Variants in LHFPL3 observed in about 807,000 individuals in gnomAD.
LHFPL3 encodes the protein LHFPL tetraspan subfamily member 3, also known as LHFPL tetraspan subfamily member 3 protein.
A neutral mutation model predicts 19.3 loss-of-function variants in LHFPL3; 5 were observed. The observed-to-expected ratio is 0.26, with a 90% CI of 0.14 to 0.54. LHFPL3 has a LOEUF of 0.54. LHFPL3 is among the 20% of genes least tolerant of loss of function. The pLI is 0.94. For missense variants in LHFPL3, 249 were observed against 307.4 expected (o/e 0.81, Z 1.42); for synonymous variants, 133 against 126.2 (o/e 1.05, Z -0.36).
chr7:104,430,388 A>ATATATACACG (rs1314883020), intron 1 of LHFPL3, among the ~76,000 whole-genome samples: 21 of 50,048 alleles, frequency 4.2e-4, no homozygotes, highest in Admixed American at 2.3e-3. Flanking sequence ...ATATACATAT[A>ATATATACACG]TATATATATA....
At chr7:104,593,192 C>T (rs1790763562) in intron 1 of LHFPL3, among the ~76,000 whole-genome samples, 1 of 152,072 alleles carries the variant, frequency 6.6e-6, no homozygotes, top group South Asian at 2.1e-4. Context: ...ATAAATTTCC[C>T]TGTACACACT....
At chr7:104,420,278 T>C (rs1019615766) in intron 1 of LHFPL3, among the ~76,000 whole-genome samples, 24 of 152,204 alleles carry the variant, frequency 1.6e-4, no homozygotes, top group African/African-American at 5.1e-4. Context: ...ATTGGGTCAA[T>C]ATAGTGTCCA....
intron 2 of LHFPL3, among the ~76,000 whole-genome samples, chr7:104,782,218 G>T (rs1368450989): frequency 1.3e-5 from 2 of 152,094 alleles, no homozygotes; most frequent in Non-Finnish European, 2.9e-5. Context: ...GCAGCCTCAG[G>T]ACTTCTCCAC....
chr7:104,488,269 G>T (rs1793274291), intron 1 of LHFPL3, among the ~76,000 whole-genome samples: 1 of 152,018 alleles, frequency 6.6e-6, no homozygotes, highest in Non-Finnish European at 1.5e-5. Flanking sequence ...TCCTAGTTTT[G>T]CCAAAAATTG....
rs188814222 is a variant in LHFPL3, at chr7:104,593,863, G to C, written c.446-142812G>C. 2.1e-4 allele frequency among the ~76,000 whole-genome samples: 32 copies of C among 149,032 alleles called. 1 individual carries two copies. Among genetic ancestry groups the C allele is most frequent in the Admixed American group, 7.4e-4 (11 of 14,944 alleles). ...CTGTTTTATCAGATACTAGGATTGC[G>C]ACCCCTGCTTTTTTTTTGCATTCCA... On this transcript the variant is annotated intron_variant, in intron 1 of 2. Transcript: ENST00000424859.
chr7:104,450,702 C>A (rs368375727), intron 1 of LHFPL3, among the ~76,000 whole-genome samples: 1 of 151,796 alleles, frequency 6.6e-6, no homozygotes, highest in Admixed American at 6.6e-5. Context: ...TGCACATGTA[C>A]CCCAGAACTT....
intron 1 of LHFPL3, among the ~76,000 whole-genome samples, chr7:104,656,725 C>T (rs1253479960): frequency 6.6e-6 from 1 of 152,216 alleles, no homozygotes; most frequent in Non-Finnish European, 1.5e-5. Context: ...CCAGAATTCT[C>T]CAGGACCTGA....
chr7:104,897,816 A>C (rs1792395578), intron 2 of LHFPL3, among the ~76,000 whole-genome samples: 1 of 152,172 alleles, frequency 6.6e-6, no homozygotes, highest in South Asian at 2.1e-4. Context: ...TAGATGCACA[A>C]ACACAGATAT....
At chr7:104,674,596 T>C (rs922081114) in intron 1 of LHFPL3, among the ~76,000 whole-genome samples, 2 of 152,082 alleles carry the variant, frequency 1.3e-5, no homozygotes, top group Non-Finnish European at 2.9e-5. Context: ...CTCGATCTCC[T>C]GACCTCGTGA....
At chr7:104,506,746 A>G (rs1302361653) in intron 1 of LHFPL3, among the ~76,000 whole-genome samples, 1 of 152,232 alleles carries the variant, frequency 6.6e-6, no homozygotes, top group East Asian at 1.9e-4. Context: ...AACGCAAGGA[A>G]GGTAAAATTT....
At chr7:104,474,312 T>C (rs1399079446) in intron 1 of LHFPL3, among the ~76,000 whole-genome samples, 1 of 152,014 alleles carries the variant, frequency 6.6e-6, no homozygotes, top group East Asian at 1.9e-4. Context: ...ACTGGACAAA[T>C]ATTTGGGTGT....
At chr7:104,552,602 A>T (rs918452603) in intron 1 of LHFPL3, among the ~76,000 whole-genome samples, 24 of 152,214 alleles carry the variant, frequency 1.6e-4, no homozygotes, top group African/African-American at 4.6e-4. Flanking sequence ...GAGTTAAACA[A>T]TAGGGATCTG....
intron 1 of LHFPL3, among the ~76,000 whole-genome samples, chr7:104,648,497 T>C (rs1429933623): frequency 1.3e-5 from 2 of 152,192 alleles, no homozygotes; most frequent in Non-Finnish European, 2.9e-5. Context: ...GAAACTGTGG[T>C]ATTATTTCCA....
At chr7:104,666,385 A>G (rs1323100287) in intron 1 of LHFPL3, among the ~76,000 whole-genome samples, 7 of 151,644 alleles carry the variant, frequency 4.6e-5, no homozygotes, top group Admixed American at 4.6e-4. Flanking sequence ...TCTCTATGAG[A>G]TCAACTTTTT....
chr7:104,794,888 C>T (rs1282277192), intron 2 of LHFPL3, among the ~76,000 whole-genome samples: 2 of 152,186 alleles, frequency 1.3e-5, no homozygotes, highest in Non-Finnish European at 1.5e-5. Flanking sequence ...AGAAAATGAG[C>T]TATACTTATC....
intron 2 of LHFPL3, chr7:104,895,227 G>C (rs1437266787): frequency 2.0e-5 from 3 of 152,198 alleles, no homozygotes; most frequent in Non-Finnish European, 2.9e-5. Context: ...TCCCAGACCA[G>C]AGCTGGGACA....
At chr7:104,663,816 G>A (rs973635443) in intron 1 of LHFPL3, among the ~76,000 whole-genome samples, 1 of 152,204 alleles carries the variant, frequency 6.6e-6, no homozygotes, top group African/African-American at 2.4e-5. Context: ...CCATGTAAAT[G>A]AGAGGTCTTT....
At chr7:104,735,385 G>A (rs1334086835) in intron 1 of LHFPL3, among the ~76,000 whole-genome samples, 9 of 152,238 alleles carry the variant, frequency 5.9e-5, no homozygotes, top group South Asian at 4.1e-4. Context: ...CTTCCCAGCC[G>A]CTTTGTTTAC....
chr7:104,668,641 AT>A, intron 1 of LHFPL3: 1 of 1,612,082 alleles, frequency 6.2e-7, no homozygotes, highest in East Asian at 2.2e-5. Flanking sequence ...GAAGACCAAT[AT>A]GACAGACGGG....
Sources: allele counts gnomAD v4.1 joint callset (sites outside exome capture counted in the v4.1 genomes callset), GRCh38; gene constraint gnomAD v4.1.1; transcripts MANE v1.5; gene names NCBI Gene and HGNC (gene_info 2026-07-23, HGNC 2026-07-21).